CSMD1: variants seen among roughly 807,000 people sequenced by gnomAD.
CSMD1 encodes CUB and sushi domain-containing protein 1.
In CSMD1, 213 loss-of-function variants were observed where a neutral mutation model predicts 417.5. That is an observed-to-expected ratio of 0.51 (90% CI 0.46 to 0.57). The LOEUF (loss-of-function observed/expected upper bound fraction) is 0.57, where lower values mean the gene tolerates loss of function less well. Ranked by LOEUF, CSMD1 falls within the 20% of genes least tolerant of loss-of-function variation. The probability of loss-of-function intolerance (pLI) is 0.00; values close to 1 mark genes in which losing one functional copy is unlikely to be tolerated. For missense variants in CSMD1, 6,923 were observed against 4,529.7 expected, an observed-to-expected ratio of 1.53 and a Z score of -15.17; for synonymous variants, 2,862 against 1,736.8, an observed-to-expected ratio of 1.65 and a Z score of -16.11.
chr8:3,993,541 G>C (rs983779381), intron 5 of CSMD1, among the ~76,000 whole-genome samples: 8 of 152,150 alleles, frequency 5.3e-5, no homozygotes, highest in Admixed American at 3.9e-4. Flanking sequence ...TAGTAAAATT[G>C]TGCTGGTTTA....
chr8:3,285,984 T>G (rs1803123796), intron 25 of CSMD1, among the ~76,000 whole-genome samples: 1 of 151,866 alleles, frequency 6.6e-6, no homozygotes, highest in South Asian at 2.1e-4. Context: ...CCCTCCCCAC[T>G]TCCCACAACA....
chr8:2,961,648 T>C (rs1585056111), intron 61 of CSMD1, among the ~76,000 whole-genome samples: 1 of 152,168 alleles, frequency 6.6e-6, no homozygotes. Context: ...AAATGAAAAA[T>C]ATATTTAATG....
intron 10 of CSMD1, among the ~76,000 whole-genome samples, chr8:3,501,560 A>C (rs1164731776): frequency 6.6e-6 from 1 of 152,208 alleles, no homozygotes; most frequent in Non-Finnish European, 1.5e-5. Flanking sequence ...GTAGGTTTGA[A>C]ATTAATGGGT....
intron 3 of CSMD1, among the ~76,000 whole-genome samples, chr8:4,334,867 G>A (rs1285569477): frequency 1.3e-5 from 2 of 152,042 alleles, no homozygotes; most frequent in Non-Finnish European, 2.9e-5. Context: ...TGGAGGCTGG[G>A]AAGTCCAAGA....
chr8:4,286,239 C>G (rs1442798225), intron 3 of CSMD1, among the ~76,000 whole-genome samples: 2 of 152,140 alleles, frequency 1.3e-5, no homozygotes, highest in Non-Finnish European at 1.5e-5. Context: ...AGCTCCATTG[C>G]GTCTCTCCGC....
Position 3,754,026 on chromosome 8 carries a change from G to T in CSMD1, c.835C>A (p.Leu279Ile), listed in dbSNP as rs1158776972. ...APSIWLTGMN[L>I]PSPVISSKNW... Reference sequence around the variant, plus strand: ...TTGCTACTGATAACTGGAGAGGGGAGGTTCATGCCAGTTAGCCTAGAGAAG... The same window carrying T: ...TTGCTACTGATAACTGGAGAGGGGATGTTCATGCCAGTTAGCCTAGAGAAG... The change falls in exon 6 of 70, where the codon CTC becomes ATC. Residue 279 changes from leucine to isoleucine, a missense_variant. Coordinates refer to ENST00000635120, the MANE Select transcript of CSMD1 (RefSeq NM_033225.6). 4 of 1,611,686 alleles carry T rather than the reference G, an allele frequency of 2.5e-6. No individual in the cohort carries two copies. The East Asian group carries it at 8.9e-5, about 36-fold the overall frequency.
intron 3 of CSMD1, among the ~76,000 whole-genome samples, chr8:4,169,722 T>C (rs1050924776): frequency 2.6e-5 from 4 of 152,070 alleles, no homozygotes; most frequent in Non-Finnish European, 5.9e-5. Flanking sequence ...CCCTACCCCA[T>C]TCTCACTTGT....
chr8:4,075,582 T>C lies in CSMD1; in HGVS notation c.416-43483A>G, dbSNP rs188818479. The stretch of plus-strand genomic sequence containing the variant: ...TGGTAAAATATTAAACGATGATTAA[T>C]TTATTCCTTGTTCTGCATAGCGGAG... On this transcript the variant is annotated intron_variant, in intron 3 of 69. Transcript: ENST00000635120. Among the ~76,000 whole-genome samples the C allele has an allele frequency of 2.5e-3, 378 of 152,332 alleles. 2 individuals carry two copies. Among genetic ancestry groups the C allele is most frequent in the African/African-American group, 8.7e-3 (360 of 41,584 alleles).
Position 4,724,746 on chromosome 8 carries a change from C to T in CSMD1, c.86-87188G>A, listed in dbSNP as rs551425283. ...ATTAATCAACGATTAGCTCTTGAAG[C>T]ATTTATCACGTTTTTTAAAAGTTAA... On this transcript the variant is annotated intron_variant, in intron 1 of 69. Coordinates refer to ENST00000635120, the MANE Select transcript of CSMD1 (RefSeq NM_033225.6). Among the ~76,000 whole-genome samples, 35 of 152,132 alleles carry T rather than the reference C, an allele frequency of 2.3e-4. No homozygotes were observed. In the South Asian group the frequency reaches 6.8e-3, roughly 30 times the overall value.
chr8:3,569,026 T>A (rs557790044), intron 10 of CSMD1, among the ~76,000 whole-genome samples: 1 of 152,164 alleles, frequency 6.6e-6, no homozygotes, highest in African/African-American at 2.4e-5. Context: ...AATAGCTGGA[T>A]TGTCAAATGT....
chr8:3,033,597 C>T (rs1360166970), intron 50 of CSMD1, among the ~76,000 whole-genome samples: 4 of 151,708 alleles, frequency 2.6e-5, no homozygotes, highest in South Asian at 2.1e-4. Context: ...CAGGGCCTGT[C>T]GGGAGGTAAG....
intron 2 of CSMD1, among the ~76,000 whole-genome samples, chr8:4,593,321 A>G (rs1367174991): frequency 1.3e-5 from 2 of 152,228 alleles, no homozygotes; most frequent in African/African-American, 4.8e-5. Flanking sequence ...CAAATTAATT[A>G]AATACTTCTG....
chr8:4,238,757 C>T (rs1246684283), intron 3 of CSMD1, among the ~76,000 whole-genome samples: 2 of 152,150 alleles, frequency 1.3e-5, no homozygotes, highest in African/African-American at 2.4e-5. Context: ...GTTTTCATTG[C>T]CATTACATTC....
chr8:4,025,300 G>A (rs780821565), intron 4 of CSMD1, among the ~76,000 whole-genome samples: 7 of 152,122 alleles, frequency 4.6e-5, no homozygotes, highest in Non-Finnish European at 7.3e-5. Flanking sequence ...AATCCACACA[G>A]TGGACCATCT....
At chr8:3,873,485 T>G (rs970401460) in intron 5 of CSMD1, among the ~76,000 whole-genome samples, 16 of 151,988 alleles carry the variant, frequency 1.1e-4, no homozygotes, top group Non-Finnish European at 2.1e-4. Context: ...TTCTACCTTC[T>G]AAGTGGAAGG....
chr8:3,351,293 CA>C (rs1263525665), intron 21 of CSMD1, among the ~76,000 whole-genome samples: 1 of 151,790 alleles, frequency 6.6e-6, no homozygotes, highest in East Asian at 1.9e-4. Context: ...GCATTTTCCC[CA>C]AAAGTATTAA....
chr8:4,882,459 G>T (rs563597997), intron 1 of CSMD1, among the ~76,000 whole-genome samples: 3 of 151,802 alleles, frequency 2.0e-5, no homozygotes, highest in Non-Finnish European at 2.9e-5. Context: ...GTATTGGGGG[G>T]CGAGTTTGGC....
intron 3 of CSMD1, among the ~76,000 whole-genome samples, chr8:4,113,032 G>A (rs987204809): frequency 9.9e-5 from 15 of 152,214 alleles, no homozygotes; most frequent in Middle Eastern, 3.4e-3. Context: ...ATCCTTGATG[G>A]TACCATTTAA....
At chr8:3,160,405 G>T (rs1246021178) in intron 38 of CSMD1, among the ~76,000 whole-genome samples, 1 of 152,196 alleles carries the variant, frequency 6.6e-6, no homozygotes, top group Non-Finnish European at 1.5e-5. Context: ...TTACAGGTGT[G>T]AGCCACTGCA....
Sources: gnomAD v4.1 joint callset for allele counts (sites outside exome capture counted in the v4.1 genomes callset) on GRCh38, gnomAD v4.1.1 for gene constraint, MANE v1.5 for transcripts, NCBI Gene and HGNC (gene_info 2026-07-23, HGNC 2026-07-21) for gene names.